Variants in AKAP13 observed in about 807,000 individuals in gnomAD.
AKAP13 encodes the protein A-kinase anchor protein 13.
AKAP13 carries 80 observed loss-of-function variants against 264.5 expected under a neutral mutation model. That is an observed-to-expected ratio of 0.30 (90% confidence interval 0.25 to 0.36). The LOEUF is 0.36. Ranked by LOEUF, AKAP13 falls within the 10% of genes least tolerant of loss-of-function variation. AKAP13 has a pLI of 1.00. For missense variants in AKAP13, 3,712 were observed against 3,435.2 expected, an observed-to-expected ratio of 1.08 and a Z score of -2.01; for synonymous variants, 1,380 against 1,250.2, an observed-to-expected ratio of 1.10 and a Z score of -2.19.
intron 1 of AKAP13, among the ~76,000 whole-genome samples, chr15:85,387,792 A>G (rs1266438911): frequency 6.6e-6 from 1 of 152,180 alleles, no homozygotes; most frequent in Non-Finnish European, 1.5e-5. Context: ...GTAATCTTAT[A>G]CATGTATTTC....
chr15:85,738,050 A>G (rs2151772517), intron 33 of AKAP13, among the ~76,000 whole-genome samples: 1 of 151,994 alleles, frequency 6.6e-6, no homozygotes, highest in African/African-American at 2.4e-5. Context: ...ATTAGACACT[A>G]TAAATGCTTA....
Position 85,614,343 on chromosome 15 carries a change from G to C in AKAP13, c.4162-25031G>C, listed in dbSNP as rs190839140. On this transcript the variant is annotated intron_variant, in intron 8 of 36. Transcript: ENST00000394518. Reference sequence around the variant, plus strand: ...AGAGAAAAGCCAGATCAGTGTATCTGTTCATTTTCAGGAAGACTTGGGTAG... The same window carrying C: ...AGAGAAAAGCCAGATCAGTGTATCTCTTCATTTTCAGGAAGACTTGGGTAG... 2.0e-5 allele frequency among the ~76,000 whole-genome samples: 3 copies of C among 152,274 alleles called. No homozygotes were observed. In the East Asian group the frequency reaches 5.8e-4, roughly 29 times the overall value.
rs1373175426 is a variant in AKAP13, at chr15:85,465,732, T to A, written c.-11-19978T>A. ...ATTCTATGGTGTATATGTGCCACAT[T>A]TTCTTAATCCAGTCTATCATTGTTG... is the stretch of plus-strand genomic sequence containing the variant. On this transcript the variant is annotated intron_variant, in intron 1 of 36. Coordinates refer to ENST00000394518, the MANE Select transcript of AKAP13 (RefSeq NM_007200.5). Among the ~76,000 whole-genome samples, 3 of 151,426 alleles carry A rather than the reference T, an allele frequency of 2.0e-5. No individual in the cohort carries two copies. In the East Asian group the frequency reaches 5.8e-4, roughly 29 times the overall value.
At chr15:85,512,259 C>T (rs2076451226) in intron 2 of AKAP13, among the ~76,000 whole-genome samples, 1 of 152,180 alleles carries the variant, frequency 6.6e-6, no homozygotes, top group African/African-American at 2.4e-5. Flanking sequence ...GCGCAGTGCA[C>T]ATAATTGCAC....
chr15:85,742,950 A>G (rs990297754), intron 35 of AKAP13, among the ~76,000 whole-genome samples: 12 of 152,250 alleles, frequency 7.9e-5, no homozygotes, highest in Admixed American at 4.6e-4. Context: ...CCCCATCCCA[A>G]TAAAATCGGT....
Position 85,746,850 on chromosome 15 carries a change from CCT to C in AKAP13, c.*2174_*2175del, listed in dbSNP as rs1275492951. On this transcript the variant is annotated 3_prime_UTR_variant, in exon 37 of 37. Coordinates refer to ENST00000394518, the MANE Select transcript of AKAP13 (RefSeq NM_007200.5). ...TCCTTGTAAATGTAGGCCGGGTGCC[CCT>C]GTTCTCCGGGTTTGGAACAATACGA... 1.3e-5 allele frequency: 2 copies of C among 152,124 alleles called. No homozygotes were observed. Among genetic ancestry groups the C allele is most frequent in the African/African-American group, 2.4e-5 (1 of 41,432 alleles). The allele number at this position is 152,124 out of a possible 1,614,324, so 9.4% of individuals were successfully genotyped here.
At chr15:85,486,483 TC>T (rs2075549681) in intron 2 of AKAP13, among the ~76,000 whole-genome samples, 1 of 152,162 alleles carries the variant, frequency 6.6e-6, no homozygotes, top group Admixed American at 6.5e-5. Context: ...CTCCAGTTGT[TC>T]CAGCACCATT....
At chr15:85,521,357 A>G (rs531676280) in intron 2 of AKAP13, 71 bp from the exon 3 acceptor site, 2 of 1,539,866 alleles carry the variant, frequency 1.3e-6, no homozygotes, top group Admixed American at 3.6e-5. Context: ...CTTAAATATG[A>G]TGTTTGATAA....
At chr15:85,477,506 C>T (rs1214315839) in intron 1 of AKAP13, among the ~76,000 whole-genome samples, 1 of 151,888 alleles carries the variant, frequency 6.6e-6, no homozygotes, top group Non-Finnish European at 1.5e-5. Flanking sequence ...CTGGGGCCCC[C>T]AACAGATCCT....
At chr15:85,473,431 A>G (rs1312045144) in intron 1 of AKAP13, among the ~76,000 whole-genome samples, 1 of 152,246 alleles carries the variant, frequency 6.6e-6, no homozygotes, top group Non-Finnish European at 1.5e-5. Context: ...GATTATAGAT[A>G]GAATGAACTA....
intron 10 of AKAP13, among the ~76,000 whole-genome samples, chr15:85,650,947 C>G (rs961033050): frequency 2.0e-5 from 3 of 151,610 alleles, no homozygotes; most frequent in Non-Finnish European, 1.5e-5. Flanking sequence ...AAATGTGAGC[C>G]ATTATTTTCC....
intron 30 of AKAP13, among the ~76,000 whole-genome samples, 190 bp downstream of exon 30, chr15:85,730,897 GGGCCCTGAA>G (rs1331555800): frequency 6.6e-6 from 1 of 151,822 alleles, no homozygotes; most frequent in East Asian, 1.9e-4. Flanking sequence ...GAACTTAAAG[GGGCCCTGAA>G]GCCCCTTCCT....
At chr15:85,601,194 A>C (rs933970184) in intron 8 of AKAP13, among the ~76,000 whole-genome samples, 6 of 152,232 alleles carry the variant, frequency 3.9e-5, no homozygotes, top group African/African-American at 1.4e-4. Context: ...TACTCATGTC[A>C]GTTTACCATT....
chr15:85,615,862 G>T (rs917348669), intron 8 of AKAP13, among the ~76,000 whole-genome samples: 2 of 152,192 alleles, frequency 1.3e-5, no homozygotes, highest in Non-Finnish European at 2.9e-5. Context: ...CTTCAGATAT[G>T]ACCTAGCGTT....
chr15:85,696,874 T>A (rs1465965074), intron 17 of AKAP13, among the ~76,000 whole-genome samples: 56 of 152,162 alleles, frequency 3.7e-4, no homozygotes, highest in Admixed American at 3.7e-3. Context: ...AATGCTGTTT[T>A]AAGACTAACA....
chr15:85,578,698 T>C (rs925009088), intron 6 of AKAP13, among the ~76,000 whole-genome samples: 9 of 152,202 alleles, frequency 5.9e-5, no homozygotes, highest in African/African-American at 2.2e-4. Context: ...AAAATAGATA[T>C]TTCATATATC....
At chr15:85,628,905 T>G (rs1441111507) in intron 8 of AKAP13, among the ~76,000 whole-genome samples, 1 of 152,174 alleles carries the variant, frequency 6.6e-6, no homozygotes, top group Admixed American at 6.6e-5. Flanking sequence ...AATATAAGAA[T>G]AAGAAGAGAT....
chr15:85,585,652 A>G (rs745894983), intron 7 of AKAP13, 50 bp from the exon 8 acceptor site: 21 of 1,611,392 alleles, frequency 1.3e-5, no homozygotes, highest in Non-Finnish European at 1.8e-5. Flanking sequence ...ATAGTAAGGC[A>G]CAGGAATCAG....
intron 17 of AKAP13, among the ~76,000 whole-genome samples, chr15:85,697,176 C>T (rs1386866795): frequency 6.6e-6 from 1 of 152,156 alleles, no homozygotes; most frequent in Non-Finnish European, 1.5e-5. Flanking sequence ...GAATAAAATC[C>T]TATGAAGCCG....
Sources: gnomAD v4.1 joint callset for allele counts (sites outside exome capture counted in the v4.1 genomes callset) on GRCh38, gnomAD v4.1.1 for gene constraint, MANE v1.5 for transcripts, NCBI Gene and HGNC (gene_info 2026-07-23, HGNC 2026-07-21) for gene names.